The following CRYBB3 variants were observed in gnomAD, a reference collection of about 807,000 sequenced individuals.
CRYBB3 encodes the protein crystallin beta B3, also known as beta-crystallin B3.
A neutral mutation model predicts 28.3 loss-of-function variants in CRYBB3; 35 were observed. The observed-to-expected ratio is 1.24, with a 90% CI of 0.95 to 1.64. The LOEUF is 1.64. Ranked by LOEUF, CRYBB3 falls within the 40% of genes most tolerant of loss-of-function variation. The pLI is 0.00. For missense variants in CRYBB3, 296 were observed against 297.4 expected, an observed-to-expected ratio of 1.00 and a Z score of 0.04; for synonymous variants, 106 against 110.4, an observed-to-expected ratio of 0.96 and a Z score of 0.25.
At chr22:25,203,498 C>T (rs2146073663) in intron 3 of CRYBB3, among the ~76,000 whole-genome samples, 1 of 152,304 alleles carries the variant, frequency 6.6e-6, no homozygotes, top group South Asian at 2.1e-4. Context: ...GTGTACCGGG[C>T]ATTGTGCTAA....
At chr22:25,200,312 T>A (rs1365394155) in intron 1 of CRYBB3, among the ~76,000 whole-genome samples, 5 of 152,068 alleles carry the variant, frequency 3.3e-5, no homozygotes. Flanking sequence ...CCAGAGTATG[T>A]GGGCTGTGCA....
At position 25,207,355 on chromosome 22, in the gene CRYBB3, C is replaced by T. The variant is rs886057294; in HGVS notation, c.*143C>T. 14 of 714,926 alleles carry T rather than the reference C, an allele frequency of 2.0e-5. No individual in the cohort carries two copies. The highest frequency in any genetic ancestry group is 1.9e-4 in the East Asian group (7 of 36,896). The allele number at this position is 714,926 out of a possible 1,614,324, so 44.3% of individuals were successfully genotyped here. ...TAAAGCCTGGGGTTGGTCCCCCACC[C>T]GCCACGTTCCTCGGCATCACTTCCT... On this transcript the variant is annotated 3_prime_UTR_variant, in exon 6 of 6. Transcript: ENST00000215855.
At chr22:25,206,933 G>A in intron 5 of CRYBB3, 114 bp from the exon 6 acceptor site, 1 of 822,354 alleles carries the variant, frequency 1.2e-6, no homozygotes, top group Non-Finnish European at 2.2e-6. Flanking sequence ...TCATCCCAAG[G>A]GCTCTGGGGA....
intron 5 of CRYBB3, 61 bp downstream of exon 5, chr22:25,205,423 A>G (rs1358404708): frequency 6.3e-7 from 1 of 1,595,838 alleles, no homozygotes; most frequent in East Asian, 2.3e-5. Context: ...CTGGCTCCAA[A>G]CAGAATCAGT....
Position 25,205,382 on chromosome 22 carries a change from C to T in CRYBB3, c.470+20C>T. 6.2e-7 allele frequency: 1 copy of T among 1,613,648 alleles called. No homozygotes were observed. The highest frequency in any genetic ancestry group is 8.5e-7 in the Non-Finnish European group (1 of 1,179,786). On this transcript the variant is annotated intron_variant, in intron 5 of 5. Coordinates refer to ENST00000215855, the MANE Select transcript of CRYBB3 (RefSeq NM_004076.5). The stretch of plus-strand genomic sequence containing the variant: ...CGGGACGTAAGGGACCCAACCCTCA[C>T]CCTTGCCCCATCTTCTGGTCAGCCA...
At chr22:25,204,991 T>C (rs112551659) in intron 4 of CRYBB3, among the ~76,000 whole-genome samples, 155 of 152,360 alleles carry the variant, frequency 1.0e-3, no homozygotes, top group African/African-American at 3.5e-3. Flanking sequence ...TTCAGTTTTA[T>C]AATCTACGGC....
rs759124927 is a variant in CRYBB3 at position 25,203,779 on chromosome 22, T to C, written c.211T>C (p.Ser71Pro). 4 of 1,614,140 alleles carry C rather than the reference T, an allele frequency of 2.5e-6. No individual in the cohort carries two copies. In the South Asian group the frequency reaches 3.3e-5, roughly 13 times the overall value. Residue 71 changes from serine to proline, a missense_variant, in exon 4 of 6, where the codon TCC becomes CCC. Transcript: ENST00000215855. Reference protein sequence around the residue: ...VESGPWLAFESRAFRGEQFVL... With the variant: ...VESGPWLAFEPRAFRGEQFVL... ...CTCCCTCAGGTGGCTGGCATTTGAG[T>C]CCAGGGCCTTCCGCGGGGAGCAGTT...
intron 3 of CRYBB3, 97 bp from the exon 4 acceptor site, chr22:25,203,666 G>T: frequency 7.0e-7 from 1 of 1,418,924 alleles, no homozygotes; most frequent in Non-Finnish European, 9.9e-7. Flanking sequence ...AGGGTACAAG[G>T]TTCAAGGTCA....
At chr22:25,206,492 G>T (rs1231590674) in intron 5 of CRYBB3, among the ~76,000 whole-genome samples, 1 of 152,154 alleles carries the variant, frequency 6.6e-6, no homozygotes, top group Non-Finnish European at 1.5e-5. Flanking sequence ...GTAGTGAGCC[G>T]AGATCACGCC....
intron 5 of CRYBB3, among the ~76,000 whole-genome samples, chr22:25,205,818 T>C (rs1026454594): frequency 3.9e-5 from 6 of 152,148 alleles, no homozygotes. Flanking sequence ...CTGTTGAGAT[T>C]TCTAGGCAGC....
chr22:25,200,266 CG>C (rs1934920178), intron 1 of CRYBB3, among the ~76,000 whole-genome samples: 1 of 151,964 alleles, frequency 6.6e-6, no homozygotes, highest in Non-Finnish European at 1.5e-5. Flanking sequence ...GAGACAGAAC[CG>C]ACAGCCCGCA....
rs145423394 is a variant in CRYBB3 at position 25,205,332 on chromosome 22, G to A, written c.440G>A (p.Arg147His). ...PSLWAHGFQD[R>H]VASVRAINGT... Reference sequence around the variant, plus strand: ...CTGTGGGCTCATGGCTTCCAGGACCGTGTGGCGAGTGTCCGTGCCATCAAC... The same window carrying A: ...CTGTGGGCTCATGGCTTCCAGGACCATGTGGCGAGTGTCCGTGCCATCAAC... Residue 147 changes from arginine to histidine, a missense_variant, in exon 5 of 6, where the codon CGT (arginine) becomes CAT (histidine). By Grantham distance (29) the Arg-to-His change is conservative (BLOSUM62 0). Coordinates refer to ENST00000215855, the MANE Select transcript of CRYBB3 (RefSeq NM_004076.5). The A allele has an allele frequency of 4.6e-5, 74 of 1,614,124 alleles. No individual in the cohort carries two copies. The African/African-American group carries it at 6.0e-4, about 13-fold the overall frequency.
At chr22:25,203,398 G>T (rs2066741306) in intron 3 of CRYBB3, among the ~76,000 whole-genome samples, 1 of 152,198 alleles carries the variant, frequency 6.6e-6, no homozygotes, top group South Asian at 2.1e-4. Flanking sequence ...TGAATGGAAT[G>T]ATGCAAATAA....
intron 5 of CRYBB3, 111 bp downstream of exon 5, chr22:25,205,473 T>C (rs941077770): frequency 1.6e-6 from 2 of 1,287,732 alleles, no homozygotes; most frequent in Non-Finnish European, 2.0e-6. Context: ...TATTTATTTA[T>C]TTTTGAGACG....
chr22:25,205,231 T>A lies in CRYBB3; in HGVS notation c.339T>A (p.His113Gln), dbSNP rs771658858. Residue 113 changes from histidine (H) to glutamine (Q), a missense_variant, in exon 5 of 6, where the codon CAT (histidine) becomes CAA (glutamine). Transcript: ENST00000215855. Reference sequence around the variant, plus strand: ...GATATTGCCCTCAGGATAGTCCACATCACAAGCTGCATCTGTTTGAGAACC... The same window carrying A: ...GATATTGCCCTCAGGATAGTCCACAACACAAGCTGCATCTGTTTGAGAACC... ...SLRPLNIDSP[H>Q]HKLHLFENPA... 6.8e-6 allele frequency: 11 copies of A among 1,613,856 alleles called. No homozygotes were observed. Among genetic ancestry groups the A allele is most frequent in the African/African-American group, 1.3e-5 (1 of 74,884 alleles).
At chr22:25,203,442 G>A (rs1317132990) in intron 3 of CRYBB3, among the ~76,000 whole-genome samples, 1 of 152,190 alleles carries the variant, frequency 6.6e-6, no homozygotes, top group Admixed American at 6.5e-5. Context: ...ACAAAGAAGA[G>A]GAAAAGGAAG....
intron 4 of CRYBB3, among the ~76,000 whole-genome samples, 160 bp from the exon 5 acceptor site, chr22:25,205,060 T>G (rs1057300839): frequency 6.6e-6 from 1 of 152,138 alleles, no homozygotes; most frequent in Non-Finnish European, 1.5e-5. Context: ...TACAGTGAAT[T>G]TGGGGGTGGA....
chr22:25,201,487 G>T lies in CRYBB3; in HGVS notation c.75+16G>T. Reference sequence around the variant, plus strand: ...CAGCTACAAGGTACTGGGCAGGGAGGGGGTCAGAGGGCCCAGGCTACTCCT... The same window carrying T: ...CAGCTACAAGGTACTGGGCAGGGAGTGGGTCAGAGGGCCCAGGCTACTCCT... On this transcript the variant is annotated intron_variant, in intron 2 of 5. Transcript: ENST00000215855. 1.9e-6 allele frequency: 3 copies of T among 1,611,518 alleles called. No homozygotes were observed. Among genetic ancestry groups the T allele is most frequent in the Admixed American group, 1.7e-5 (1 of 59,948 alleles).
At chr22:25,205,738 T>C (rs1045434141) in intron 5 of CRYBB3, among the ~76,000 whole-genome samples, 1 of 152,030 alleles carries the variant, frequency 6.6e-6, no homozygotes, top group Non-Finnish European at 1.5e-5. Context: ...GGATTACAGG[T>C]GTGAGCCACG....
Sources: allele counts gnomAD v4.1 joint callset (sites outside exome capture counted in the v4.1 genomes callset), GRCh38; gene constraint gnomAD v4.1.1; transcripts MANE v1.5; gene names NCBI Gene and HGNC (gene_info 2026-07-23, HGNC 2026-07-21).